Variants in KCNB2 observed in about 807,000 individuals in gnomAD.
KCNB2 encodes potassium voltage-gated channel subfamily B member 2.
KCNB2 carries 15 observed loss-of-function variants against 61.5 expected under a neutral mutation model. That is an observed-to-expected ratio of 0.24 (90% CI 0.16 to 0.38). The LOEUF (loss-of-function observed/expected upper bound fraction) is 0.38, where lower values mean the gene tolerates loss of function less well. Ranked by LOEUF, KCNB2 falls within the 10% of genes least tolerant of loss-of-function variation. The probability of loss-of-function intolerance (pLI) is 1.00; values close to 1 mark genes in which losing one functional copy is unlikely to be tolerated. For missense variants in KCNB2, 828 were observed against 1,125.2 expected, an observed-to-expected ratio of 0.74 and a Z score of 3.78; for synonymous variants, 457 against 446.0, an observed-to-expected ratio of 1.02 and a Z score of -0.31.
intron 2 of KCNB2, among the ~76,000 whole-genome samples, chr8:72,696,511 C>G (rs941520316): frequency 1.3e-5 from 2 of 152,046 alleles, no homozygotes; most frequent in Non-Finnish European, 2.9e-5. Flanking sequence ...TATGATGTGG[C>G]TAGACCCTGG....
At chr8:72,665,775 A>G (rs892168554) in intron 2 of KCNB2, among the ~76,000 whole-genome samples, 1 of 130,712 alleles carries the variant, frequency 7.7e-6, no homozygotes, top group Non-Finnish European at 1.7e-5. Context: ...ACTTAGTTCT[A>G]TTCAGATGAT....
intron 2 of KCNB2, among the ~76,000 whole-genome samples, chr8:72,704,275 C>G (rs1807181135): frequency 6.6e-6 from 1 of 152,136 alleles, no homozygotes; most frequent in South Asian, 2.1e-4. Context: ...ATTCTTCATT[C>G]TCTATAGAAC....
intron 2 of KCNB2, among the ~76,000 whole-genome samples, chr8:72,834,448 C>T (rs1480977311): frequency 6.6e-6 from 1 of 152,206 alleles, no homozygotes; most frequent in Non-Finnish European, 1.5e-5. Flanking sequence ...TCAGCCTTCA[C>T]TTAAGCCTCC....
chr8:72,905,757 C>A (rs1028241854), intron 2 of KCNB2, among the ~76,000 whole-genome samples: 6 of 152,120 alleles, frequency 3.9e-5, no homozygotes, highest in African/African-American at 1.2e-4. Context: ...TTTCCAAAAG[C>A]CTGACTTTAA....
chr8:72,561,214 T>C (rs890645579), intron 1 of KCNB2, among the ~76,000 whole-genome samples: 3 of 151,798 alleles, frequency 2.0e-5, no homozygotes, highest in Non-Finnish European at 4.4e-5. Context: ...TGGAGTGCAG[T>C]GGCACAATCT....
At chr8:72,620,959 G>A (rs760571069) in intron 2 of KCNB2, among the ~76,000 whole-genome samples, 43 of 152,280 alleles carry the variant, frequency 2.8e-4, no homozygotes, top group Non-Finnish European at 5.6e-4. Flanking sequence ...TAGGCCCTTA[G>A]ACACAAGGGA....
intron 2 of KCNB2, among the ~76,000 whole-genome samples, chr8:72,882,139 C>T (rs1205474663): frequency 6.6e-6 from 1 of 152,142 alleles, no homozygotes; most frequent in Non-Finnish European, 1.5e-5. Context: ...CAGGGCACAC[C>T]TGTGCCCGAC....
chr8:72,865,022 GTC>G (rs1459155736), intron 2 of KCNB2, among the ~76,000 whole-genome samples: 1 of 152,132 alleles, frequency 6.6e-6, no homozygotes, highest in Non-Finnish European at 1.5e-5. Flanking sequence ...TCTCACCTGT[GTC>G]TCTCTCATCT....
chr8:72,600,921 A>G (rs1378068468), intron 2 of KCNB2, among the ~76,000 whole-genome samples: 1 of 152,096 alleles, frequency 6.6e-6, no homozygotes, highest in Non-Finnish European at 1.5e-5. Context: ...TGAAATAGTC[A>G]GTACAATAAA....
At chr8:72,790,127 T>C (rs944307052) in intron 2 of KCNB2, among the ~76,000 whole-genome samples, 5 of 152,186 alleles carry the variant, frequency 3.3e-5, no homozygotes, top group African/African-American at 1.2e-4. Flanking sequence ...TAAATGTTGC[T>C]GTAAGACAAC....
In KCNB2 at chr8:72,725,537, ATATG is replaced by A. The variant is rs1166032758; in HGVS notation, c.579+157226_579+157229del. Among the ~76,000 whole-genome samples the A allele has an allele frequency of 2.2e-4, 12 of 55,450 alleles. No individual in the cohort carries two copies. The South Asian group carries it at 3.1e-3, about 14-fold the overall frequency. The allele number at this position is 55,450 out of a possible 152,430, so 36.4% of individuals were successfully genotyped here. On this transcript the variant is annotated intron_variant, in intron 2 of 2. Transcript: ENST00000523207. ...TATATATATATATATATATATATAT[ATATG>A]TGTGTATATATATATGTATATATGT...
rs781728428 is a variant in KCNB2, at chr8:72,937,744, T to A, written c.2389T>A (p.Ser797Thr). The change falls in exon 3 of 3, where the codon TCT (serine) becomes ACT (threonine). Residue 797 changes from serine (S) to threonine (T), a missense_variant. Physicochemically the swap from Ser to Thr is moderately conservative, Grantham distance 58 (BLOSUM62 1). Around this residue, in one of 4 missense-constraint regions of KCNB2, gnomAD observed 559 missense variants for 588.4 expected, o/e 0.95. Coordinates refer to ENST00000523207, the MANE Select transcript of KCNB2 (RefSeq NM_004770.3). The stretch of plus-strand genomic sequence containing the variant: ...TCCCAAGCAGAAACTGTTCCCTTTC[T>A]CTTCAAGAGAGAGGAGGAGCTTCAC... Reference protein sequence around the residue: ...RFPKQKLFPFSSRERRSFTEI... With the variant: ...RFPKQKLFPFTSRERRSFTEI... 1.9e-6 allele frequency: 3 copies of A among 1,613,770 alleles called. No homozygotes were observed. Among genetic ancestry groups the A allele is most frequent in the Non-Finnish European group, 2.5e-6 (3 of 1,180,014 alleles).
At chr8:72,539,921 A>G (rs895950408) in intron 1 of KCNB2, among the ~76,000 whole-genome samples, 3 of 152,140 alleles carry the variant, frequency 2.0e-5, no homozygotes, top group Non-Finnish European at 2.9e-5. Context: ...AACACTCACT[A>G]TGATAATAAA....
chr8:72,789,550 C>T (rs1026542644), intron 2 of KCNB2, among the ~76,000 whole-genome samples: 5 of 152,006 alleles, frequency 3.3e-5, no homozygotes, highest in Admixed American at 1.3e-4. Flanking sequence ...AAGACAAAGC[C>T]GTGAAGGAAC....
chr8:72,854,591 T>C (rs1031464475), intron 2 of KCNB2, among the ~76,000 whole-genome samples: 5 of 152,174 alleles, frequency 3.3e-5, no homozygotes, highest in African/African-American at 1.2e-4. Context: ...GCAGTGTAGA[T>C]AATGAGACTG....
chr8:72,610,365 A>G (rs1453144910), intron 2 of KCNB2, among the ~76,000 whole-genome samples: 1 of 152,204 alleles, frequency 6.6e-6, no homozygotes, highest in Non-Finnish European at 1.5e-5. Context: ...AACAGAATCT[A>G]GACTTTAAGC....
chr8:72,816,538 C>T (rs1359637530), intron 2 of KCNB2, among the ~76,000 whole-genome samples: 2 of 152,192 alleles, frequency 1.3e-5, no homozygotes, highest in Admixed American at 1.3e-4. Flanking sequence ...AGCCTGGCAG[C>T]AGATGAATTC....
At chr8:72,861,062 T>G (rs1805398984) in intron 2 of KCNB2, among the ~76,000 whole-genome samples, 1 of 152,206 alleles carries the variant, frequency 6.6e-6, no homozygotes, top group African/African-American at 2.4e-5. Flanking sequence ...ACCTTAAGCC[T>G]CAGTAAGCTA....
intron 2 of KCNB2, among the ~76,000 whole-genome samples, chr8:72,843,023 A>G (rs1809920697): frequency 6.6e-6 from 1 of 151,912 alleles, no homozygotes; most frequent in Non-Finnish European, 1.5e-5. Context: ...TTTAATTGTG[A>G]CATTAGGGTG....
Sources: allele counts gnomAD v4.1 joint callset (sites outside exome capture counted in the v4.1 genomes callset), GRCh38; gene constraint gnomAD v4.1.1; regional missense constraint gnomAD v4.1.1; transcripts MANE v1.5; gene names NCBI Gene and HGNC (gene_info 2026-07-23, HGNC 2026-07-21).